The following SLC30A8 variants were observed in gnomAD, a reference collection of about 807,000 sequenced individuals.
SLC30A8 encodes the protein proton-coupled zinc antiporter SLC30A8.
In SLC30A8, 27 loss-of-function variants were observed where a neutral mutation model predicts 36.9. That is an observed-to-expected ratio of 0.73 (90% CI 0.54 to 1.01). The LOEUF (loss-of-function observed/expected upper bound fraction) is 1.01. Ranked by LOEUF, SLC30A8 falls within the 50% of genes least tolerant of loss-of-function variation. The probability of loss-of-function intolerance (pLI) is 0.00; values close to 1 mark genes in which losing one functional copy is unlikely to be tolerated. For missense variants in SLC30A8, 439 were observed against 452.0 expected (o/e 0.97, Z 0.26); for synonymous variants, 164 against 172.4 (o/e 0.95, Z 0.38).
At chr8:117,137,879 T>G (rs1232444918) in intron 1 of SLC30A8, among the ~76,000 whole-genome samples, 1 of 151,676 alleles carries the variant, frequency 6.6e-6, no homozygotes, top group Non-Finnish European at 1.5e-5. Context: ...AGATTCTATC[T>G]CTTGATTGCA....
chr8:117,170,834 A>G (rs1363073729), intron 6 of SLC30A8, among the ~76,000 whole-genome samples, 200 bp from the exon 7 acceptor site: 1 of 152,210 alleles, frequency 6.6e-6, no homozygotes, highest in Non-Finnish European at 1.5e-5. Context: ...AAATTCTGCA[A>G]GTATTCTGAG....
At chr8:117,096,136 C>T (rs932866172) in intron 2 of SLC30A8, among the ~76,000 whole-genome samples, 1 of 152,150 alleles carries the variant, frequency 6.6e-6, no homozygotes, top group Non-Finnish European at 1.5e-5. Flanking sequence ...GTTATAGTCT[C>T]TCTGAGGCAC....
intron 1 of SLC30A8, among the ~76,000 whole-genome samples, chr8:117,038,801 C>T (rs1433900986): frequency 2.6e-5 from 4 of 152,236 alleles, no homozygotes; most frequent in Admixed American, 2.0e-4. Context: ...CACAATTCCC[C>T]TGGGTAACCA....
intron 2 of SLC30A8, among the ~76,000 whole-genome samples, chr8:117,063,894 C>A (rs1387181094): frequency 6.6e-6 from 1 of 152,218 alleles, no homozygotes; most frequent in Non-Finnish European, 1.5e-5. Flanking sequence ...CTAAAGGAAG[C>A]GGCTGTTTTG....
chr8:117,108,066 A>G (rs1282429395), intron 2 of SLC30A8, among the ~76,000 whole-genome samples: 1 of 152,206 alleles, frequency 6.6e-6, no homozygotes, highest in African/African-American at 2.4e-5. Context: ...TGATACTTGT[A>G]TAATATCTTA....
intron 2 of SLC30A8, among the ~76,000 whole-genome samples, chr8:117,052,715 T>C (rs758819856): frequency 3.3e-5 from 5 of 152,208 alleles, no homozygotes; most frequent in Non-Finnish European, 5.9e-5. Context: ...TTATGCTTAT[T>C]TCATTTAATC....
At chr8:117,065,937 C>A (rs1232564003) in intron 2 of SLC30A8, among the ~76,000 whole-genome samples, 1 of 152,108 alleles carries the variant, frequency 6.6e-6, no homozygotes, top group African/African-American at 2.4e-5. Context: ...TGCCCCTTAG[C>A]AAAACTGAGA....
Position 117,124,114 on chromosome 8 carries a change from A to G in SLC30A8, c.-225-11166A>G, listed in dbSNP as rs575584876. 2.6e-5 allele frequency among the ~76,000 whole-genome samples: 4 copies of G among 152,108 alleles called. No homozygotes were observed. The South Asian group carries it at 8.3e-4, about 32-fold the overall frequency. On this transcript the variant is annotated intron_variant, in intron 2 of 10. Transcript: ENST00000427715. Reference sequence around the variant, plus strand: ...ACTGCTTCCCAGGAGCACATTTTCCAAAAGTAGTGCCTTTTCATGTATTGA... The same window carrying G: ...ACTGCTTCCCAGGAGCACATTTTCCGAAAGTAGTGCCTTTTCATGTATTGA...
intron 1 of SLC30A8, chr8:116,951,228 T>A (rs114123724): frequency 6.6e-6 from 1 of 152,220 alleles, no homozygotes; most frequent in Non-Finnish European, 1.5e-5. Context: ...AGCATGGGCA[T>A]CTCCTGCTAA....
chr8:117,098,654 G>C (rs906810309), intron 2 of SLC30A8, among the ~76,000 whole-genome samples: 1 of 152,146 alleles, frequency 6.6e-6, no homozygotes, highest in Non-Finnish European at 1.5e-5. Context: ...GATGGGATCA[G>C]GTAACAGAAA....
Position 116,981,667 on chromosome 8 carries a change from A to G in SLC30A8, c.-266+30548A>G, listed in dbSNP as rs182723752. Among the ~76,000 whole-genome samples, 395 of 152,212 alleles carry G rather than the reference A, an allele frequency of 2.6e-3. 2 individuals carry two copies. The highest frequency in any genetic ancestry group is 9.1e-3 in the African/African-American group (380 of 41,566). The stretch of plus-strand genomic sequence containing the variant: ...CCACTTGTGGGTGAGAACATGTGGT[A>G]TTTGACTTTCTGTTTCTATATTAGC... On this transcript the variant is annotated intron_variant, in intron 1 of 10. Coordinates refer to the SLC30A8 transcript ENST00000427715.
At position 117,126,031 on chromosome 8, in the gene SLC30A8, C is replaced by A. The variant is rs150874707; in HGVS notation, c.-225-9249C>A. 3.2e-3 allele frequency among the ~76,000 whole-genome samples: 479 copies of A among 151,948 alleles called. 1 individual carries two copies. Among genetic ancestry groups the A allele is most frequent in the Non-Finnish European group, 4.9e-3 (334 of 67,912 alleles). ...CTTCTCCTCTCTCTAGCTGTGTTTTCCCCCCTCGATGAAGCACAGAAGAAA... is the reference window on the plus strand; with the variant it reads ...CTTCTCCTCTCTCTAGCTGTGTTTTACCCCCTCGATGAAGCACAGAAGAAA... On this transcript the variant is annotated intron_variant, in intron 2 of 10. Coordinates refer to the SLC30A8 transcript ENST00000427715.
intron 2 of SLC30A8, among the ~76,000 whole-genome samples, chr8:117,104,887 C>G (rs1046177112): frequency 4.6e-5 from 7 of 152,134 alleles, no homozygotes; most frequent in African/African-American, 1.4e-4. Context: ...GTTCCTTCCC[C>G]TTTTCGGCCA....
At chr8:117,128,018 C>A (rs1472277923) in intron 2 of SLC30A8, among the ~76,000 whole-genome samples, 1 of 152,048 alleles carries the variant, frequency 6.6e-6, no homozygotes, top group Non-Finnish European at 1.5e-5. Context: ...TTGAGTTTAG[C>A]ATCAGCTTAG....
chr8:117,084,734 A>G (rs1818806644), intron 2 of SLC30A8, among the ~76,000 whole-genome samples: 1 of 152,146 alleles, frequency 6.6e-6, no homozygotes, highest in Non-Finnish European at 1.5e-5. Flanking sequence ...TAATTCCAGT[A>G]CAGTCTCTCC....
At chr8:117,048,141 G>C (rs1180940571) in intron 2 of SLC30A8, among the ~76,000 whole-genome samples, 1 of 152,196 alleles carries the variant, frequency 6.6e-6, no homozygotes. Context: ...GACTTGCCCT[G>C]AATTCTTTCT....
chr8:116,951,507 C>T (rs939507881), intron 1 of SLC30A8, among the ~76,000 whole-genome samples: 1 of 152,074 alleles, frequency 6.6e-6, no homozygotes, highest in Non-Finnish European at 1.5e-5. Flanking sequence ...TGTAAGTTTG[C>T]TTCCTATTTA....
At chr8:117,076,580 C>T (rs1818494853) in intron 2 of SLC30A8, among the ~76,000 whole-genome samples, 1 of 152,106 alleles carries the variant, frequency 6.6e-6, no homozygotes, top group Non-Finnish European at 1.5e-5. Context: ...CCAGGAAGAA[C>T]CAGGCTATTA....
chr8:116,964,534 C>T (rs541842147), intron 1 of SLC30A8, among the ~76,000 whole-genome samples: 25 of 152,316 alleles, frequency 1.6e-4, no homozygotes, highest in Non-Finnish European at 2.8e-4. Flanking sequence ...TAGGGGAGCT[C>T]ATCATCCTAG....
Sources: gnomAD v4.1 joint callset for allele counts (sites outside exome capture counted in the v4.1 genomes callset) on GRCh38, gnomAD v4.1.1 for gene constraint, MANE v1.5 for transcripts, NCBI Gene and HGNC (gene_info 2026-07-23, HGNC 2026-07-21) for gene names.